The following POU6F2 variants were observed in gnomAD, a reference collection of about 807,000 sequenced individuals.
POU6F2 encodes the protein POU domain, class 6, transcription factor 2.
A neutral mutation model predicts 71.3 loss-of-function variants in POU6F2; 31 were observed. The observed-to-expected ratio is 0.43, with a 90% CI of 0.33 to 0.59. The LOEUF (loss-of-function observed/expected upper bound fraction) is 0.59. POU6F2 is among the 20% of genes least tolerant of loss of function. POU6F2 has a pLI of 0.04. For synonymous variants in POU6F2, 347 were observed against 355.7 expected (o/e 0.98, Z 0.27); for missense variants, 783 against 856.8 (o/e 0.91, Z 1.07).
chr7:39,241,219 CA>C (rs1184737773), intron 4 of POU6F2, among the ~76,000 whole-genome samples: 2 of 151,994 alleles, frequency 1.3e-5, no homozygotes, highest in African/African-American at 4.8e-5. Context: ...GTTCCCTGAA[CA>C]AAATCAAGGT....
chr7:39,338,986 G>T (rs1413643394), intron 4 of POU6F2, among the ~76,000 whole-genome samples: 1 of 151,738 alleles, frequency 6.6e-6, no homozygotes, highest in African/African-American at 2.4e-5. Context: ...CATCCCTCCA[G>T]TTTAGGGGTT....
chr7:39,013,798 A>C (rs552373337), intron 1 of POU6F2, among the ~76,000 whole-genome samples: 1 of 152,336 alleles, frequency 6.6e-6, no homozygotes, highest in Admixed American at 6.5e-5. Context: ...TGGAGGAAAT[A>C]GTTGTAATAT....
intron 4 of POU6F2, among the ~76,000 whole-genome samples, chr7:39,328,530 C>T (rs564103252): frequency 2.6e-5 from 4 of 152,264 alleles, no homozygotes; most frequent in Non-Finnish European, 5.9e-5. Context: ...TGGCAAGAAA[C>T]TCAATTTAAT....
At chr7:39,021,624 T>G (rs1302162619) in intron 1 of POU6F2, among the ~76,000 whole-genome samples, 1 of 151,984 alleles carries the variant, frequency 6.6e-6, no homozygotes, top group East Asian at 1.9e-4. Flanking sequence ...CATTTTACTA[T>G]TTTTTTCCCA....
Position 39,082,511 on chromosome 7 carries a change from A to G in POU6F2, c.106-3349A>G, listed in dbSNP as rs189126798. On this transcript the variant is annotated intron_variant, in intron 1 of 9. Coordinates refer to ENST00000518318, the MANE Select transcript of POU6F2 (RefSeq NM_001370959.1). ...AGATCCTTGTACAGGTTGAAGTTGC[A>G]GGTCTCTTACATTTCTACAAGCACC... Among the ~76,000 whole-genome samples, 21 of 152,260 alleles carry G rather than the reference A, an allele frequency of 1.4e-4. No homozygotes were observed. The East Asian group carries it at 3.5e-3, about 25-fold the overall frequency.
At chr7:39,407,700 A>G (rs528642992) in intron 6 of POU6F2, among the ~76,000 whole-genome samples, 6 of 152,120 alleles carry the variant, frequency 3.9e-5, no homozygotes, top group African/African-American at 1.4e-4. Flanking sequence ...TGTTCTGTGG[A>G]GAGCAGGCAT....
chr7:39,006,229 C>A (rs1185713453), intron 1 of POU6F2, among the ~76,000 whole-genome samples: 1 of 151,962 alleles, frequency 6.6e-6, no homozygotes, highest in Non-Finnish European at 1.5e-5. Flanking sequence ...TTTGGGAGGC[C>A]GAGGCAGGCA....
At chr7:39,151,058 A>G (rs531705828) in intron 2 of POU6F2, among the ~76,000 whole-genome samples, 1 of 151,278 alleles carries the variant, frequency 6.6e-6, no homozygotes, top group South Asian at 2.1e-4. Context: ...TTTTTTTTCC[A>G]TAGAACTCTT....
chr7:39,373,374 A>C (rs2115761996), intron 5 of POU6F2: 1 of 453,836 alleles, frequency 2.2e-6, no homozygotes, highest in Admixed American at 2.4e-5. Context: ...GACCAATGCT[A>C]TGAGCAACTC....
At chr7:38,989,801 TTG>T (rs375334324) in intron 1 of POU6F2, among the ~76,000 whole-genome samples, 279 of 142,906 alleles carry the variant, frequency 2.0e-3, no homozygotes, top group Admixed American at 4.0e-3. Flanking sequence ...CTGTGTGTGT[TTG>T]TGTGTGTGTG....
At chr7:39,096,733 A>G (rs1791462207) in intron 2 of POU6F2, among the ~76,000 whole-genome samples, 1 of 144,110 alleles carries the variant, frequency 6.9e-6, no homozygotes, top group Admixed American at 7.0e-5. Flanking sequence ...TTGGTAATAC[A>G]CTTTTGCAGC....
intron 5 of POU6F2, among the ~76,000 whole-genome samples, chr7:39,402,442 C>G (rs1787326879): frequency 6.6e-6 from 1 of 151,766 alleles, no homozygotes; most frequent in Admixed American, 6.6e-5. Context: ...TGCATTCCCT[C>G]ACTATCAAAT....
intron 7 of POU6F2, among the ~76,000 whole-genome samples, chr7:39,434,754 T>G (rs1247621186): frequency 6.6e-6 from 1 of 152,090 alleles, no homozygotes; most frequent in East Asian, 1.9e-4. Flanking sequence ...GTTGCTGCAT[T>G]TGTTGACCCA....
In POU6F2 at chr7:39,464,525, G is replaced by A. The variant is rs7804851; in HGVS notation, c.2002G>A (p.Glu668Lys). 2,919 of 1,613,384 alleles carry A rather than the reference G, an allele frequency of 1.8e-3. 48 individuals carry two copies. In the African/African-American group the frequency reaches 0.035, roughly 19 times the overall value. ...NTHPSGQEMT[E>K]IAEKLNYDRE... is the part of the protein sequence containing the mutation. ...ACACCCTTCTGGGCAGGAAATGACC[G>A]AAATTGCTGAGAAGCTGAACTATGA... Residue 668 changes from glutamate to lysine, a missense_variant, in exon 10 of 10, where the codon GAA becomes AAA. Coordinates refer to ENST00000518318, the MANE Select transcript of POU6F2 (RefSeq NM_001370959.1). The surrounding 1 kb of genome is among the most constrained non-coding windows in gnomAD (Gnocchi z 4.1).
At chr7:39,086,246 A>G (rs1318372606) in intron 2 of POU6F2, among the ~76,000 whole-genome samples, 1 of 152,138 alleles carries the variant, frequency 6.6e-6, no homozygotes, top group Non-Finnish European at 1.5e-5. Flanking sequence ...TTCGCTGCCC[A>G]TTTTGACTTG....
At chr7:39,356,933 A>C (rs1322021825) in intron 5 of POU6F2, among the ~76,000 whole-genome samples, 1 of 152,104 alleles carries the variant, frequency 6.6e-6, no homozygotes, top group Non-Finnish European at 1.5e-5. Flanking sequence ...AGAAATGTAC[A>C]TCAAAGTAAG....
At chr7:39,142,232 G>A (rs1055932628) in intron 2 of POU6F2, among the ~76,000 whole-genome samples, 1 of 152,212 alleles carries the variant, frequency 6.6e-6, no homozygotes, top group Non-Finnish European at 1.5e-5. Context: ...GAAGCATGGA[G>A]GCCTGGCTTG....
chr7:39,332,844 A>G (rs1041048491), intron 4 of POU6F2, among the ~76,000 whole-genome samples: 3 of 152,186 alleles, frequency 2.0e-5, no homozygotes, highest in Non-Finnish European at 4.4e-5. Context: ...GGGAAAAGCA[A>G]TGGAGAGCTC....
intron 1 of POU6F2, among the ~76,000 whole-genome samples, chr7:39,057,416 A>AT (rs1226083499): frequency 1.3e-5 from 2 of 151,768 alleles, no homozygotes; most frequent in African/African-American, 2.4e-5. Flanking sequence ...ATCTTTTTCT[A>AT]TTTCTTTTTA....
Sources: gnomAD v4.1 joint callset for allele counts (sites outside exome capture counted in the v4.1 genomes callset) on GRCh38, gnomAD v4.1.1 for gene constraint, Gnocchi (gnomAD v3.1) non-coding constraint, MANE v1.5 for transcripts, NCBI Gene and HGNC (gene_info 2026-07-23, HGNC 2026-07-21) for gene names.